The following PITPNC1 variants were observed in gnomAD, a reference collection of about 807,000 sequenced individuals.
PITPNC1 encodes cytoplasmic phosphatidylinositol transfer protein 1.
In PITPNC1, 18 loss-of-function variants were observed where a neutral mutation model predicts 44.7. That is an observed-to-expected ratio of 0.40 (90% CI 0.28 to 0.60). The LOEUF (loss-of-function observed/expected upper bound fraction) is 0.60, where lower values mean the gene tolerates loss of function less well. PITPNC1 is among the 20% of genes least tolerant of loss of function. PITPNC1 has a pLI of 0.39. For missense variants in PITPNC1, 290 were observed against 418.4 expected (o/e 0.69, Z 2.68); for synonymous variants, 141 against 149.6 (o/e 0.94, Z 0.42).
chr17:67,634,227 T>C (rs1272036761), intron 6 of PITPNC1, among the ~76,000 whole-genome samples: 5 of 152,162 alleles, frequency 3.3e-5, no homozygotes, highest in Non-Finnish European at 5.9e-5. Flanking sequence ...AAGAGTCCAG[T>C]AATTATTCAT....
intron 1 of PITPNC1, among the ~76,000 whole-genome samples, chr17:67,452,178 G>C (rs1370660253): frequency 6.6e-6 from 1 of 151,562 alleles, no homozygotes; most frequent in Non-Finnish European, 1.5e-5. Flanking sequence ...GCTAATTTTT[G>C]TATTTTTGTT....
intron 5 of PITPNC1, among the ~76,000 whole-genome samples, chr17:67,621,491 A>G (rs1468939938): frequency 3.3e-5 from 5 of 152,100 alleles, no homozygotes; most frequent in Non-Finnish European, 7.3e-5. Flanking sequence ...TACAGGTGTG[A>G]GCCACTGCAG....
chr17:67,660,757 G>C (rs1424559914), intron 6 of PITPNC1, among the ~76,000 whole-genome samples: 1 of 151,804 alleles, frequency 6.6e-6, no homozygotes, highest in African/African-American at 2.4e-5. Flanking sequence ...TGTTGGCCAG[G>C]CTGGTCTCGA....
chr17:67,388,689 C>T (rs1423484514), intron 1 of PITPNC1, among the ~76,000 whole-genome samples: 13 of 152,098 alleles, frequency 8.5e-5, no homozygotes, highest in East Asian at 1.9e-4. Flanking sequence ...TGCATGATCT[C>T]GACTCACTGC....
At chr17:67,521,580 T>C (rs1285417402) in intron 1 of PITPNC1, among the ~76,000 whole-genome samples, 1 of 152,086 alleles carries the variant, frequency 6.6e-6, no homozygotes, top group Non-Finnish European at 1.5e-5. Context: ...TTTTTTGTTA[T>C]TATTTTTTAA....
intron 5 of PITPNC1, among the ~76,000 whole-genome samples, chr17:67,598,002 T>A (rs1407253787): frequency 6.6e-6 from 1 of 152,248 alleles, no homozygotes; most frequent in Non-Finnish European, 1.5e-5. Flanking sequence ...GGCAGGCGGA[T>A]CACGAGGTCA....
chr17:67,675,685 C>A, intron 8 of PITPNC1, 143 bp downstream of exon 8: 1 of 663,100 alleles, frequency 1.5e-6, no homozygotes. Flanking sequence ...CACTGTCTGC[C>A]AAGCATAATG....
At chr17:67,608,522 C>T (rs2041643742) in intron 5 of PITPNC1, among the ~76,000 whole-genome samples, 1 of 147,330 alleles carries the variant, frequency 6.8e-6, no homozygotes, top group Non-Finnish European at 1.5e-5. Context: ...CAGAGTTTCA[C>T]TCCTGTTGCC....
At chr17:67,559,249 T>C (rs1163536234) in intron 4 of PITPNC1, among the ~76,000 whole-genome samples, 7 of 151,980 alleles carry the variant, frequency 4.6e-5, no homozygotes, top group Non-Finnish European at 7.4e-5. Context: ...CAGGAACAAG[T>C]CCAGGGAAGA....
intron 1 of PITPNC1, among the ~76,000 whole-genome samples, chr17:67,453,763 G>A (rs1004428015): frequency 6.6e-6 from 1 of 152,180 alleles, no homozygotes; most frequent in African/African-American, 2.4e-5. Context: ...TTATTTGAGG[G>A]AGGAAAACAT....
intron 1 of PITPNC1, among the ~76,000 whole-genome samples, chr17:67,389,930 C>T (rs1348613031): frequency 2.6e-5 from 4 of 152,132 alleles, no homozygotes; most frequent in Non-Finnish European, 4.4e-5. Flanking sequence ...CCACCCACCT[C>T]GGCCTCCCAA....
chr17:67,460,252 AGTTTAAGG>A (rs2039316020), intron 1 of PITPNC1, among the ~76,000 whole-genome samples: 1 of 152,116 alleles, frequency 6.6e-6, no homozygotes, highest in Non-Finnish European at 1.5e-5. Context: ...GTGGCTAAGC[AGTTTAAGG>A]CATCAGGGTG....
At chr17:67,400,802 A>G (rs944635231) in intron 1 of PITPNC1, among the ~76,000 whole-genome samples, 6 of 150,062 alleles carry the variant, frequency 4.0e-5, no homozygotes, top group African/African-American at 1.5e-4. Context: ...ACTATATATA[A>G]TAAAATACAT....
intron 4 of PITPNC1, among the ~76,000 whole-genome samples, chr17:67,554,253 A>ATTTTTTT (rs11413972): frequency 3.6e-5 from 4 of 111,078 alleles, no homozygotes; most frequent in African/African-American, 6.8e-5. Flanking sequence ...ATAGTTTATG[A>ATTTTTTT]TTTTTTTTTT....
At chr17:67,452,516 G>T (rs973060064) in intron 1 of PITPNC1, among the ~76,000 whole-genome samples, 69 of 139,878 alleles carry the variant, frequency 4.9e-4, no homozygotes, top group African/African-American at 1.3e-3. Flanking sequence ...AATTGCTGGG[G>T]TTTTTTTTTT....
chr17:67,447,864 C>CTTTG (rs1486493047), intron 1 of PITPNC1, among the ~76,000 whole-genome samples: 1 of 147,186 alleles, frequency 6.8e-6, no homozygotes, highest in Admixed American at 6.7e-5. Context: ...TTCTTTCTTT[C>CTTTG]TCTCTCTGTC....
intron 5 of PITPNC1, among the ~76,000 whole-genome samples, chr17:67,602,050 G>C (rs1400292640): frequency 6.6e-6 from 1 of 152,204 alleles, no homozygotes; most frequent in Non-Finnish European, 1.5e-5. Context: ...TTGCTTGAAA[G>C]TCTTGGCAGT....
chr17:67,415,903 G>A (rs1042083522), intron 1 of PITPNC1, among the ~76,000 whole-genome samples: 4 of 118,584 alleles, frequency 3.4e-5, no homozygotes, highest in Admixed American at 8.7e-5. Context: ...TGAAAATCAC[G>A]CTTACCTAAA....
chr17:67,498,284 T>C (rs925589153), intron 1 of PITPNC1, among the ~76,000 whole-genome samples: 2 of 152,226 alleles, frequency 1.3e-5, no homozygotes, highest in Non-Finnish European at 2.9e-5. Flanking sequence ...GAACTCTTTA[T>C]ATATTAGCAA....
Sources: allele counts gnomAD v4.1 joint callset (sites outside exome capture counted in the v4.1 genomes callset), GRCh38; gene constraint gnomAD v4.1.1; transcripts MANE v1.5; gene names NCBI Gene and HGNC (gene_info 2026-07-23, HGNC 2026-07-21).